The following SEMA3C variants were observed in gnomAD, a reference collection of about 807,000 sequenced individuals.
SEMA3C encodes semaphorin-3C.
A neutral mutation model predicts 89.4 loss-of-function variants in SEMA3C; 47 were observed. That is an observed-to-expected ratio of 0.53 (90% CI 0.42 to 0.67). The LOEUF is 0.67. Ranked by LOEUF, SEMA3C falls within the 30% of genes least tolerant of loss-of-function variation. SEMA3C has a pLI of 0.00. For synonymous variants in SEMA3C, 310 were observed against 320.2 expected (o/e 0.97, Z 0.34); for missense variants, 839 against 929.1 (o/e 0.90, Z 1.26).
intron 5 of SEMA3C, 134 bp from the exon 6 acceptor site, chr7:80,810,835 T>C (rs1474954319): frequency 3.1e-6 from 2 of 652,196 alleles, no homozygotes; most frequent in Admixed American, 2.4e-5. Context: ...TCCAATTTAC[T>C]ACATTAAGAT....
At chr7:80,833,587 C>A (rs1055664103) in intron 2 of SEMA3C, among the ~76,000 whole-genome samples, 1 of 151,992 alleles carries the variant, frequency 6.6e-6, no homozygotes, top group Admixed American at 6.6e-5. Flanking sequence ...TCTAGTTTTC[C>A]GAGCCATAAA....
At position 80,745,135 on chromosome 7, in the gene SEMA3C, T is replaced by C. The variant is rs148790247; in HGVS notation, c.2015A>G (p.Asp672Gly). The change falls in exon 18 of 18, where the codon GAC (aspartate) becomes GGC (glycine). Residue 672 changes from aspartate (D) to glycine (G), a missense_variant. Coordinates refer to ENST00000265361, the MANE Select transcript of SEMA3C (RefSeq NM_006379.5). ...GGCCCAGGTCCATGGGGACCATTTG[T>C]CCGTCACAACAGCCACCATTTCTGA... Reference protein sequence around the residue: ...LDSEMVAVVTDKWSPWTWASS... With the variant: ...LDSEMVAVVTGKWSPWTWASS... The C allele has an allele frequency of 8.4e-5, 136 of 1,613,896 alleles. 1 individual carries two copies. Among genetic ancestry groups the C allele is most frequent in the Admixed American group, 3.5e-4 (21 of 59,928 alleles).
At chr7:80,813,834 T>G (rs1467586043) in intron 5 of SEMA3C, among the ~76,000 whole-genome samples, 1 of 152,180 alleles carries the variant, frequency 6.6e-6, no homozygotes, top group East Asian at 1.9e-4. Flanking sequence ...GACTTGTCAT[T>G]TTATTTTCAA....
intron 11 of SEMA3C, among the ~76,000 whole-genome samples, chr7:80,789,733 T>G (rs1788891667): frequency 6.6e-6 from 1 of 152,212 alleles, no homozygotes; most frequent in South Asian, 2.1e-4. Flanking sequence ...TGAATCAGGC[T>G]AAGTCATTGT....
intron 11 of SEMA3C, chr7:80,796,542 T>C (rs13242982): frequency 0.09 from 13,750 of 152,260 alleles, 721 homozygotes; most frequent in Admixed American, 0.12. Context: ...CACACCAGGA[T>C]TCCCCAATCT....
At chr7:80,787,224 T>C (rs1002588535) in intron 12 of SEMA3C, among the ~76,000 whole-genome samples, 3 of 151,882 alleles carry the variant, frequency 2.0e-5, no homozygotes, top group Non-Finnish European at 4.4e-5. Flanking sequence ...AAACCCTGTC[T>C]CTATTAAAAA....
At chr7:80,798,867 T>TG (rs1398271704) in intron 10 of SEMA3C, among the ~76,000 whole-genome samples, 1 of 152,204 alleles carries the variant, frequency 6.6e-6, no homozygotes, top group African/African-American at 2.4e-5. Context: ...CATTGTCCTA[T>TG]GGCAGGTTGG....
At chr7:80,794,711 C>T (rs1350326894) in intron 11 of SEMA3C, among the ~76,000 whole-genome samples, 1 of 152,188 alleles carries the variant, frequency 6.6e-6, no homozygotes, top group Non-Finnish European at 1.5e-5. Flanking sequence ...TACAACTATA[C>T]AAACAATCTC....
rs905077878 is a variant in SEMA3C, at chr7:80,905,940, AT to A, written c.103+10738del. ...CTCTGGAAAAGAGTCATGGAATTGA[AT>A]GTAATTTTGTTTTGTTTTTTTTTTA... On this transcript the variant is annotated intron_variant, in intron 2 of 17. Coordinates refer to ENST00000265361, the MANE Select transcript of SEMA3C (RefSeq NM_006379.5). 2.4e-6 allele frequency: 3 copies of A among 1,259,126 alleles called. No individual in the cohort carries two copies. In the African/African-American group the frequency reaches 4.6e-5, roughly 19 times the overall value. 78.0% of individuals were successfully genotyped at this position (1,259,126 alleles called of 1,614,324 possible). A position where few individuals can be genotyped will look rare whatever the true frequency, so the allele number is the denominator to read the frequency against.
chr7:80,877,296 A>G (rs182745412), intron 2 of SEMA3C, among the ~76,000 whole-genome samples: 1 of 152,308 alleles, frequency 6.6e-6, no homozygotes, highest in East Asian at 1.9e-4. Context: ...GCAACCACAT[A>G]CTTTTAACAA....
chr7:80,791,183 TGAG>T (rs144069400), intron 11 of SEMA3C, among the ~76,000 whole-genome samples: 9,208 of 152,010 alleles, frequency 0.061, 362 homozygotes, highest in Non-Finnish European at 0.097. Flanking sequence ...ACAGGGCTTC[TGAG>T]GAGAAGATTC....
At chr7:80,880,525 T>G (rs985162744) in intron 2 of SEMA3C, among the ~76,000 whole-genome samples, 3 of 152,218 alleles carry the variant, frequency 2.0e-5, no homozygotes, top group African/African-American at 7.2e-5. Flanking sequence ...AAATACATGT[T>G]GGACAATTTA....
chr7:80,775,792 G>A (rs1396509395), intron 12 of SEMA3C, among the ~76,000 whole-genome samples: 1 of 151,852 alleles, frequency 6.6e-6, no homozygotes, highest in Non-Finnish European at 1.5e-5. Flanking sequence ...TAATATATAT[G>A]AATACATTAC....
intron 2 of SEMA3C, among the ~76,000 whole-genome samples, chr7:80,830,466 T>C (rs1392113693): frequency 2.0e-5 from 3 of 152,282 alleles, no homozygotes; most frequent in Non-Finnish European, 4.4e-5. Flanking sequence ...TTTTCCTACT[T>C]TTTAAAATTT....
rs1791261931 is a variant in SEMA3C, at chr7:80,878,817, G to A, written c.103+37862C>T. Among the ~76,000 whole-genome samples, 3 of 152,096 alleles carry A rather than the reference G, an allele frequency of 2.0e-5. No homozygotes were observed. The South Asian group carries it at 6.2e-4, about 32-fold the overall frequency. On this transcript the variant is annotated intron_variant, in intron 2 of 17. Transcript: ENST00000265361. Reference sequence around the variant, plus strand: ...CAGTGATGAGATTGCCCAGAATGTGGAGTGTGATCCTAGAGACACTGATAT... The same window carrying A: ...CAGTGATGAGATTGCCCAGAATGTGAAGTGTGATCCTAGAGACACTGATAT...
intron 4 of SEMA3C, among the ~76,000 whole-genome samples, chr7:80,826,286 A>C (rs1789871477): frequency 6.6e-6 from 1 of 152,118 alleles, no homozygotes; most frequent in South Asian, 2.1e-4. Flanking sequence ...CACTCCTGAA[A>C]TCAGCATCTC....
intron 4 of SEMA3C, among the ~76,000 whole-genome samples, chr7:80,824,393 C>T (rs1789823825): frequency 6.6e-6 from 1 of 152,100 alleles, no homozygotes; most frequent in Non-Finnish European, 1.5e-5. Context: ...AGTTCACGTG[C>T]TTGTATGCAC....
chr7:80,754,572 G>A (rs143365769), intron 15 of SEMA3C, among the ~76,000 whole-genome samples: 2 of 152,088 alleles, frequency 1.3e-5, no homozygotes, highest in Non-Finnish European at 2.9e-5. Flanking sequence ...AACATGTTTT[G>A]TATTTACTAT....
chr7:80,891,151 C>T (rs1016754439), intron 2 of SEMA3C, among the ~76,000 whole-genome samples: 18 of 152,046 alleles, frequency 1.2e-4, no homozygotes, highest in African/African-American at 4.3e-4. Flanking sequence ...TACTGGTTTC[C>T]GTATAAATTT....
Sources: gnomAD v4.1 joint callset for allele counts (sites outside exome capture counted in the v4.1 genomes callset) on GRCh38, gnomAD v4.1.1 for gene constraint, MANE v1.5 for transcripts, NCBI Gene and HGNC (gene_info 2026-07-23, HGNC 2026-07-21) for gene names.